Variants in DLG2 observed in about 807,000 individuals in gnomAD.
DLG2 encodes disks large homolog 2.
Under a neutral mutation model 132.5 loss-of-function variants are expected in DLG2, and 45 were observed. The observed-to-expected ratio is 0.34, with a 90% CI of 0.27 to 0.44. The LOEUF (loss-of-function observed/expected upper bound fraction) is 0.44, where lower values mean the gene tolerates loss of function less well. DLG2 is among the 20% of genes least tolerant of loss of function. The pLI is 1.00. For synonymous variants in DLG2, 424 were observed against 419.6 expected (o/e 1.01, Z -0.13); for missense variants, 1,045 against 1,196.9 (o/e 0.87, Z 1.87).
At chr11:85,589,437 TTA>T (rs1447419216) in intron 3 of DLG2, among the ~76,000 whole-genome samples, 1 of 152,010 alleles carries the variant, frequency 6.6e-6, no homozygotes, top group African/African-American at 2.4e-5. Context: ...TCCCAAAAGT[TTA>T]TGTCTTTCAT....
intron 6 of DLG2, among the ~76,000 whole-genome samples, chr11:84,791,616 T>G (rs2073859146): frequency 6.6e-6 from 1 of 152,208 alleles, no homozygotes; most frequent in Non-Finnish European, 1.5e-5. Context: ...TAAATTTCTT[T>G]CATCAGTGTT....
At chr11:85,446,105 A>C (rs1229226469) in intron 3 of DLG2, among the ~76,000 whole-genome samples, 3 of 152,232 alleles carry the variant, frequency 2.0e-5, no homozygotes, top group Non-Finnish European at 2.9e-5. Flanking sequence ...TCAGACCCTA[A>C]ATTAATCTAC....
chr11:84,384,316 A>C (rs1601132828), intron 7 of DLG2, among the ~76,000 whole-genome samples: 1 of 152,032 alleles, frequency 6.6e-6, no homozygotes, highest in East Asian at 1.9e-4. Flanking sequence ...ACTAATAAAT[A>C]TGGAAAATGC....
chr11:84,073,452 C>A (rs961178207), intron 10 of DLG2, among the ~76,000 whole-genome samples: 3 of 152,046 alleles, frequency 2.0e-5, no homozygotes, highest in Non-Finnish European at 4.4e-5. Flanking sequence ...TCCGCACATA[C>A]ATACATTCAA....
At chr11:84,044,468 G>C (rs1220441525) in intron 11 of DLG2, among the ~76,000 whole-genome samples, 1 of 151,680 alleles carries the variant, frequency 6.6e-6, no homozygotes, top group Non-Finnish European at 1.5e-5. Flanking sequence ...GTTACAGTGG[G>C]AGTGGAGGTC....
In DLG2 at chr11:83,733,595, C is replaced by T. The variant is rs181046283; in HGVS notation, c.1825+53095G>A. 3.4e-3 allele frequency among the ~76,000 whole-genome samples: 518 copies of T among 152,272 alleles called. 10 individuals are homozygous for T. The highest frequency in any genetic ancestry group is 1.0e-3 in the Non-Finnish European group (70 of 68,022). On this transcript the variant is annotated intron_variant, in intron 18 of 27. Coordinates refer to ENST00000376104, the MANE Select transcript of DLG2 (RefSeq NM_001142699.3). ...TAGTCCCTCTAATGTCTTGTTACTT[C>T]GGTAGCTGCTCAAATATTGGAGGAC... is the stretch of plus-strand genomic sequence containing the variant.
chr11:83,624,200 A>G (rs906649811), intron 19 of DLG2, among the ~76,000 whole-genome samples: 3 of 152,254 alleles, frequency 2.0e-5, no homozygotes, highest in Admixed American at 6.5e-5. Context: ...CAGGCCAACC[A>G]TTAACAGTAA....
chr11:85,609,856 C>T (rs2080866631), intron 2 of DLG2, among the ~76,000 whole-genome samples: 2 of 152,196 alleles, frequency 1.3e-5, no homozygotes, highest in Admixed American at 1.3e-4. Context: ...CCGGGGAATC[C>T]TGGGACAGTC....
At chr11:83,656,842 G>A (rs984044600) in intron 18 of DLG2, among the ~76,000 whole-genome samples, 2 of 152,250 alleles carry the variant, frequency 1.3e-5, no homozygotes, top group South Asian at 2.1e-4. Context: ...CCTTTGCTTA[G>A]CACTCACTGA....
intron 15 of DLG2, among the ~76,000 whole-genome samples, chr11:83,925,903 T>C (rs1344552921): frequency 6.6e-6 from 1 of 152,100 alleles, no homozygotes; most frequent in Non-Finnish European, 1.5e-5. Flanking sequence ...AAATTACCTT[T>C]TTTCAAAGAA....
At chr11:85,387,492 T>C (rs2086441619) in intron 3 of DLG2, among the ~76,000 whole-genome samples, 1 of 152,212 alleles carries the variant, frequency 6.6e-6, no homozygotes, top group African/African-American at 2.4e-5. Flanking sequence ...TGTAACATTT[T>C]CAAAAGTAAG....
chr11:84,545,397 C>T (rs557413829), intron 6 of DLG2: 22 of 509,126 alleles, frequency 4.3e-5, no homozygotes, highest in East Asian at 1.6e-4. Context: ...ACAACCACCA[C>T]GGCTGCCACC....
rs115383938 is a variant in DLG2 at position 83,595,740 on chromosome 11, T to C, written c.1940+37471A>G. ...ACCGAAATGCAAGTTCATTTTAACA[T>C]GTAAAGTATCACATTGCAAACAATT... On this transcript the variant is annotated intron_variant, in intron 19 of 27. Coordinates refer to ENST00000376104, the MANE Select transcript of DLG2 (RefSeq NM_001142699.3). 3.0e-3 allele frequency among the ~76,000 whole-genome samples: 453 copies of C among 152,320 alleles called. 6 individuals are homozygous for C. Among genetic ancestry groups the C allele is most frequent in the African/African-American group, 9.5e-3 (397 of 41,574 alleles).
At chr11:84,922,730 A>T (rs1050702802) in intron 6 of DLG2, among the ~76,000 whole-genome samples, 2 of 152,134 alleles carry the variant, frequency 1.3e-5, no homozygotes, top group African/African-American at 2.4e-5. Flanking sequence ...AAGAAAGACA[A>T]AATCATAATT....
chr11:85,271,664 A>G (rs1296609982), intron 4 of DLG2, among the ~76,000 whole-genome samples: 1 of 152,234 alleles, frequency 6.6e-6, no homozygotes, highest in African/African-American at 2.4e-5. Flanking sequence ...CCTAGATGTG[A>G]GACATGAAGT....
chr11:84,616,246 T>C (rs539706135), intron 6 of DLG2, among the ~76,000 whole-genome samples: 1 of 152,194 alleles, frequency 6.6e-6, no homozygotes, highest in Admixed American at 6.6e-5. Context: ...CTGGTCTTTG[T>C]AGTTACAGAT....
chr11:85,117,172 G>T (rs146033674), intron 5 of DLG2, among the ~76,000 whole-genome samples: 3 of 152,126 alleles, frequency 2.0e-5, no homozygotes, highest in African/African-American at 4.8e-5. Flanking sequence ...AGGGTGGGCT[G>T]CTGTAAAATG....
In DLG2 at chr11:85,539,198, T is replaced by C. The variant is rs187685905; in HGVS notation, c.40+59459A>G. 4.1e-3 allele frequency among the ~76,000 whole-genome samples: 617 copies of C among 151,946 alleles called. 4 individuals carry two copies. Among genetic ancestry groups the C allele is most frequent in the Non-Finnish European group, 6.1e-3 (412 of 68,034 alleles). ...TTACCATTAGATCATTCCCTTTTTT[T>C]ATCCTATCACATTTCTGAATGCAGT... On this transcript the variant is annotated intron_variant, in intron 3 of 27. Coordinates refer to ENST00000376104, the MANE Select transcript of DLG2 (RefSeq NM_001142699.3).
At chr11:85,428,043 AT>A (rs1432032238) in intron 3 of DLG2, among the ~76,000 whole-genome samples, 1 of 152,322 alleles carries the variant, frequency 6.6e-6, no homozygotes, top group East Asian at 1.9e-4. Context: ...CCATTACATA[AT>A]GGTAAAGGGA....
Sources: allele counts gnomAD v4.1 joint callset (sites outside exome capture counted in the v4.1 genomes callset), GRCh38; gene constraint gnomAD v4.1.1; transcripts MANE v1.5; gene names NCBI Gene and HGNC (gene_info 2026-07-23, HGNC 2026-07-21).